KCNK18: variants seen among roughly 807,000 people sequenced by gnomAD.
KCNK18 encodes the protein potassium two pore domain channel subfamily K member 18.
In KCNK18, 8 loss-of-function variants were observed where a neutral mutation model predicts 11.8. The observed-to-expected ratio is 0.68, with a 90% confidence interval of 0.40 to 1.22. The LOEUF (loss-of-function observed/expected upper bound fraction) is 1.22. Ranked by LOEUF, KCNK18 falls within the 50% of genes most tolerant of loss-of-function variation. The pLI is 0.01. For missense variants in KCNK18, 442 were observed against 465.4 expected (o/e 0.95, Z 0.46); for synonymous variants, 208 against 185.8 (o/e 1.12, Z -0.97).
At position 117,209,699 on chromosome 10, in the gene KCNK18, CTT is replaced by C. The variant is rs1256926515; in HGVS notation, c.556_557del (p.Phe186GlnfsTer11). On this transcript the variant is annotated frameshift_variant, in exon 3 of 3. Coordinates refer to ENST00000334549, the MANE Select transcript of KCNK18 (RefSeq NM_181840.1). LOFTEE classifies it low-confidence loss of function (END_TRUNC). ...TCTCCAAGTGGTGCCCCAAATCTCT[CTT>C]CAAGAAAAAACCGGACCCCAAGCCC... ...LLSKWCPKSL[F>X]KKKPDPKPAD... 1 of 1,614,004 alleles carries C rather than the reference CTT, an allele frequency of 6.2e-7. No homozygotes were observed. Among genetic ancestry groups the C allele is most frequent in the African/African-American group, 1.3e-5 (1 of 74,902 alleles).
Position 117,197,574 on chromosome 10 carries a change from T to G in KCNK18, c.86T>G (p.Phe29Cys), listed in dbSNP as rs1204695608. Reference sequence around the variant, plus strand: ...TTCCCTGGCCTCTGCTTCCTCTGCTTTCTGGTGACCTACGCCCTGGTGGGT... The same window carrying G: ...TTCCCTGGCCTCTGCTTCCTCTGCTGTCTGGTGACCTACGCCCTGGTGGGT... ...KLFPGLCFLCFLVTYALVGAV... is the reference protein window; with the variant it reads ...KLFPGLCFLCCLVTYALVGAV... Residue 29 changes from phenylalanine (F) to cysteine (C), a missense_variant, in exon 1 of 3, where the codon TTT (phenylalanine) becomes TGT (cysteine). By Grantham distance (205) the Phe-to-Cys change is radical (BLOSUM62 -2). Coordinates refer to ENST00000334549, the MANE Select transcript of KCNK18 (RefSeq NM_181840.1). The G allele has an allele frequency of 6.2e-7, 1 of 1,614,212 alleles. No homozygotes were observed. The highest frequency in any genetic ancestry group is 2.2e-5 in the East Asian group (1 of 44,878).
intron 1 of KCNK18, among the ~76,000 whole-genome samples, chr10:117,200,359 T>C (rs909759410): frequency 1.3e-5 from 2 of 152,208 alleles, no homozygotes; most frequent in African/African-American, 4.8e-5. Context: ...ATTATAGGCG[T>C]GAGCCATCGT....
intron 2 of KCNK18, among the ~76,000 whole-genome samples, chr10:117,205,044 A>G (rs1855060892): frequency 1.3e-5 from 2 of 152,176 alleles, no homozygotes; most frequent in Admixed American, 1.3e-4. Flanking sequence ...CATAATCAAT[A>G]ACGGTGTTTG....
At chr10:117,208,535 G>A (rs1170703537) in intron 2 of KCNK18, among the ~76,000 whole-genome samples, 1 of 152,160 alleles carries the variant, frequency 6.6e-6, no homozygotes, top group African/African-American at 2.4e-5. Context: ...GAACCTAGAT[G>A]CTGGGAGGCT....
intron 2 of KCNK18, among the ~76,000 whole-genome samples, chr10:117,205,695 C>T (rs1855066956): frequency 2.0e-5 from 3 of 152,116 alleles, no homozygotes; most frequent in South Asian, 4.1e-4. Flanking sequence ...CACTCATTGT[C>T]CTGCGTCTAT....
At chr10:117,202,814 C>T (rs996911635) in intron 2 of KCNK18, among the ~76,000 whole-genome samples, 3 of 150,440 alleles carry the variant, frequency 2.0e-5, no homozygotes, top group Non-Finnish European at 4.4e-5. Context: ...CTGCACCCAG[C>T]TTCAGAAATA....
chr10:117,198,170 C>A (rs1589964718), intron 1 of KCNK18, among the ~76,000 whole-genome samples: 1 of 152,270 alleles, frequency 6.6e-6, no homozygotes, highest in South Asian at 2.1e-4. Flanking sequence ...GGGAACAACC[C>A]AAATTGGATT....
chr10:117,205,821 G>C (rs767360034), intron 2 of KCNK18, among the ~76,000 whole-genome samples: 6 of 152,184 alleles, frequency 3.9e-5, no homozygotes, highest in Non-Finnish European at 7.3e-5. Flanking sequence ...GGGCTGAGGT[G>C]GGCAGATCAC....
intron 1 of KCNK18, among the ~76,000 whole-genome samples, chr10:117,199,417 C>T (rs1170963965): frequency 2.6e-5 from 4 of 152,218 alleles, no homozygotes; most frequent in Non-Finnish European, 5.9e-5. Flanking sequence ...TACCGATTTT[C>T]ACTGGAGATT....
Position 117,209,553 on chromosome 10 carries a change from GCT to G in KCNK18, c.414_415del (p.Phe139TrpfsTer25), listed in dbSNP as rs869025175. ...TGGCAAGTACTTGTGCATGCTCTAT[GCT>G]CTCTTTGGTATCCCCCTGATGTTCC... ...RLGKYLCMLYALFGIPLMFLV... is the reference protein window; with the variant it reads ...RLGKYLCMLYXLFGIPLMFLV... On this transcript the variant is annotated frameshift_variant, in exon 3 of 3. Coordinates refer to ENST00000334549, the MANE Select transcript of KCNK18 (RefSeq NM_181840.1). LOFTEE classifies it low-confidence loss of function (END_TRUNC). 4.9e-4 allele frequency: 796 copies of G among 1,614,130 alleles called. 1 individual carries two copies. The highest frequency in any genetic ancestry group is 6.1e-4 in the Non-Finnish European group (722 of 1,180,018).
In KCNK18 at chr10:117,201,267, G is replaced by T. The variant is rs756592283; in HGVS notation, c.332G>T (p.Cys111Phe). Residue 111 changes from cysteine (C) to phenylalanine (F), a missense_variant, in exon 2 of 3, where the codon TGC (cysteine) becomes TTC (phenylalanine). By Grantham distance (205) the Cys-to-Phe change is radical. Transcript: ENST00000334549. ...WSFLSSLFFC[C>F]TVFSTVGYGY... ...TTCCTGAGCTCGCTCTTTTTCTGCTGCACGGTGTTCAGCACCGTGGGTAAG... is the reference window on the plus strand; with the variant it reads ...TTCCTGAGCTCGCTCTTTTTCTGCTTCACGGTGTTCAGCACCGTGGGTAAG... 9 of 1,613,628 alleles carry T rather than the reference G, an allele frequency of 5.6e-6. No individual in the cohort carries two copies. The East Asian group carries it at 2.0e-4, about 36-fold the overall frequency.
intron 2 of KCNK18, among the ~76,000 whole-genome samples, chr10:117,204,249 T>A (rs1392396684): frequency 1.4e-5 from 2 of 145,738 alleles, no homozygotes; most frequent in Non-Finnish European, 3.0e-5. Flanking sequence ...GTGACAAGAG[T>A]TGGCCTGGAT....
chr10:117,201,586 G>T (rs956317819), intron 2 of KCNK18, among the ~76,000 whole-genome samples: 1 of 152,200 alleles, frequency 6.6e-6, no homozygotes, highest in Admixed American at 6.5e-5. Flanking sequence ...GTTTCAAAAA[G>T]TCGCACAGTT....
intron 2 of KCNK18, among the ~76,000 whole-genome samples, chr10:117,207,485 A>G (rs2619111): frequency 0.55 from 83,169 of 152,114 alleles, 24,853 homozygotes; most frequent in Middle Eastern, 0.68. Context: ...ATCGTATCCC[A>G]TATCTACTTT....
At chr10:117,208,885 C>T (rs773291614) in intron 2 of KCNK18, among the ~76,000 whole-genome samples, 11 of 151,860 alleles carry the variant, frequency 7.2e-5, no homozygotes, top group South Asian at 2.1e-4. Flanking sequence ...GGACTACAGG[C>T]GCCCTACACC....
At chr10:117,199,281 T>C (rs528625562) in intron 1 of KCNK18, among the ~76,000 whole-genome samples, 1 of 152,262 alleles carries the variant, frequency 6.6e-6, no homozygotes, top group Admixed American at 6.5e-5. Context: ...GATTGTGCCA[T>C]TGCACTCCAG....
intron 1 of KCNK18, among the ~76,000 whole-genome samples, chr10:117,199,753 G>A (rs1387645920): frequency 1.3e-5 from 2 of 152,216 alleles, no homozygotes; most frequent in Non-Finnish European, 2.9e-5. Context: ...GGTTAGAGCT[G>A]GGTCTAGAAT....
intron 2 of KCNK18, among the ~76,000 whole-genome samples, chr10:117,206,656 C>G (rs955115286): frequency 1.7e-4 from 26 of 152,162 alleles, no homozygotes; most frequent in Non-Finnish European, 7.3e-5. Flanking sequence ...TCCCTGCACA[C>G]TAGACACACT....
chr10:117,208,652 A>G (rs920739299), intron 2 of KCNK18, among the ~76,000 whole-genome samples: 13 of 152,014 alleles, frequency 8.6e-5, no homozygotes, highest in Non-Finnish European at 1.5e-4. Context: ...GTTTTTCCTA[A>G]CACTGTGCAC....
Sources: allele counts gnomAD v4.1 joint callset (sites outside exome capture counted in the v4.1 genomes callset), GRCh38; gene constraint gnomAD v4.1.1; transcripts MANE v1.5; gene names NCBI Gene and HGNC (gene_info 2026-07-23, HGNC 2026-07-21).